Variants in SOX6 observed in about 807,000 individuals in gnomAD.
SOX6 encodes the protein transcription factor SOX-6.
SOX6 carries 11 observed loss-of-function variants against 97.8 expected under a neutral mutation model. The ratio of observed to expected loss-of-function variants is 0.11; its 90% CI spans 0.07 to 0.19. The LOEUF is 0.19. Ranked by LOEUF, SOX6 falls within the 10% of genes least tolerant of loss-of-function variation. SOX6 has a pLI of 1.00. For missense variants in SOX6, 810 were observed against 1,039.5 expected (o/e 0.78, Z 3.04); for synonymous variants, 360 against 371.4 (o/e 0.97, Z 0.35).
At chr11:16,329,055 C>T (rs1856196459) in intron 2 of SOX6, among the ~76,000 whole-genome samples, 1 of 151,940 alleles carries the variant, frequency 6.6e-6, no homozygotes, top group Non-Finnish European at 1.5e-5. Context: ...ATAACATTCT[C>T]AAAATTGAAA....
At chr11:16,086,822 G>A (rs980607353) in intron 9 of SOX6, among the ~76,000 whole-genome samples, 5 of 152,180 alleles carry the variant, frequency 3.3e-5, no homozygotes, top group African/African-American at 9.7e-5. Flanking sequence ...TATTCTGGAT[G>A]TTAACTGGAA....
At chr11:16,454,794 T>C (rs763562721) in intron 1 of SOX6, among the ~76,000 whole-genome samples, 5 of 152,126 alleles carry the variant, frequency 3.3e-5, no homozygotes, top group Non-Finnish European at 7.4e-5. Context: ...ATTACTACCA[T>C]AGCATAAGGA....
intron 3 of SOX6, among the ~76,000 whole-genome samples, chr11:16,272,622 G>A (rs7109206): frequency 0.49 from 74,756 of 151,562 alleles, 19,139 homozygotes; most frequent in Non-Finnish European, 0.54. Flanking sequence ...TTATAGATAT[G>A]AGAAAATAAG....
intron 1 of SOX6, among the ~76,000 whole-genome samples, chr11:16,417,143 T>A (rs1004964680): frequency 5.3e-5 from 8 of 152,188 alleles, no homozygotes; most frequent in African/African-American, 1.9e-4. Flanking sequence ...TGTGCTTTTT[T>A]TAAAAATTCA....
intron 4 of SOX6, among the ~76,000 whole-genome samples, chr11:16,217,558 T>C (rs1322259598): frequency 6.6e-6 from 1 of 152,170 alleles, no homozygotes; most frequent in African/African-American, 2.4e-5. Flanking sequence ...GTCATAAAGA[T>C]GTACAGAAGA....
chr11:16,090,140 C>T (rs770846804), intron 9 of SOX6, among the ~76,000 whole-genome samples: 12 of 152,046 alleles, frequency 7.9e-5, no homozygotes, highest in South Asian at 2.1e-4. Flanking sequence ...TAATTACATG[C>T]GTTCACACAC....
intron 4 of SOX6, among the ~76,000 whole-genome samples, chr11:16,588,859 T>A (rs917456405): frequency 5.9e-5 from 9 of 152,120 alleles, no homozygotes; most frequent in African/African-American, 2.2e-4. Context: ...CAAGACACTG[T>A]CTCTTTTTTA....
At chr11:16,565,406 C>A (rs1847859078) in intron 4 of SOX6, among the ~76,000 whole-genome samples, 1 of 151,826 alleles carries the variant, frequency 6.6e-6, no homozygotes, top group South Asian at 2.1e-4. Context: ...TTCCAGAAAA[C>A]AGAAGAGAAG....
intron 3 of SOX6, among the ~76,000 whole-genome samples, chr11:16,302,566 CTTTTTTT>C (rs71044096): frequency 1.5e-4 from 13 of 86,990 alleles, no homozygotes; most frequent in African/African-American, 5.4e-4. Context: ...TTCTTTTTTT[CTTTTTTT>C]TTTTTTTTTT....
chr11:16,734,322 T>G (rs1848374840), intron 2 of SOX6, among the ~76,000 whole-genome samples: 1 of 152,156 alleles, frequency 6.6e-6, no homozygotes, highest in Admixed American at 6.5e-5. Flanking sequence ...AGAGTTGCAT[T>G]TATATTATGC....
chr11:16,706,503 T>A lies in SOX6; in HGVS notation n.429+8327A>T, dbSNP rs1175889578. 2.9e-3 allele frequency among the ~76,000 whole-genome samples: 193 copies of A among 66,050 alleles called. 17 individuals carry two copies. The highest frequency in any genetic ancestry group is 4.6e-3 in the East Asian group (9 of 1,970). The allele number at this position is 66,050 out of a possible 152,430, so 43.3% of individuals were successfully genotyped here. On this transcript the variant is annotated intron_variant and non_coding_transcript_variant, in intron 3 of 5. Coordinates refer to the SOX6 transcript ENST00000524520. Reference sequence around the variant, plus strand: ...ATATATATATATATATATATATATATATATATATATATATATATATAGTGT... The same window carrying A: ...ATATATATATATATATATATATATAAATATATATATATATATATATAGTGT...
intron 3 of SOX6, among the ~76,000 whole-genome samples, chr11:16,626,443 T>A (rs1431185160): frequency 6.6e-6 from 1 of 152,252 alleles, no homozygotes; most frequent in African/African-American, 2.4e-5. Flanking sequence ...CTGTCTTGAT[T>A]ACCATAACAT....
intron 7 of SOX6, among the ~76,000 whole-genome samples, chr11:16,100,600 A>C (rs2133979688): frequency 6.6e-6 from 1 of 151,804 alleles, no homozygotes; most frequent in African/African-American, 2.4e-5. Flanking sequence ...TAAATTCTTA[A>C]ATTTTCATAG....
chr11:16,160,910 A>C (rs1261960399), intron 6 of SOX6, among the ~76,000 whole-genome samples: 1 of 152,220 alleles, frequency 6.6e-6, no homozygotes, highest in Non-Finnish European at 1.5e-5. Context: ...GAAAGTTTTA[A>C]ACTCTTGATC....
At chr11:16,400,651 A>C (rs1435549133) in intron 1 of SOX6, among the ~76,000 whole-genome samples, 1 of 151,436 alleles carries the variant, frequency 6.6e-6, no homozygotes, top group African/African-American at 2.4e-5. Context: ...AATATGATCC[A>C]ATCTTGCAGA....
intron 12 of SOX6, among the ~76,000 whole-genome samples, chr11:16,032,265 A>G (rs769962613): frequency 5.3e-5 from 8 of 152,078 alleles, no homozygotes; most frequent in South Asian, 2.1e-4. Context: ...CTGGTATTTG[A>G]ACCTAGAGTT....
At chr11:16,695,684 G>A (rs1455584539) in intron 3 of SOX6, among the ~76,000 whole-genome samples, 1 of 152,080 alleles carries the variant, frequency 6.6e-6, no homozygotes, top group Non-Finnish European at 1.5e-5. Flanking sequence ...TCTTTGTTGT[G>A]ATATTTAGAA....
chr11:16,205,200 A>T (rs1852040913), intron 4 of SOX6, among the ~76,000 whole-genome samples: 1 of 152,176 alleles, frequency 6.6e-6, no homozygotes, highest in Non-Finnish European at 1.5e-5. Flanking sequence ...TAGAACCAGC[A>T]TATGAGTTTT....
At chr11:16,192,930 T>A (rs1485832423) in intron 4 of SOX6, among the ~76,000 whole-genome samples, 2 of 152,172 alleles carry the variant, frequency 1.3e-5, no homozygotes, top group African/African-American at 4.8e-5. Flanking sequence ...GGCAGGCAAC[T>A]TGCAGGGCAC....
Sources: allele counts gnomAD v4.1 joint callset (sites outside exome capture counted in the v4.1 genomes callset), GRCh38; gene constraint gnomAD v4.1.1; transcripts MANE v1.5; gene names NCBI Gene and HGNC (gene_info 2026-07-23, HGNC 2026-07-21).